The following SPAG9 variants were observed in gnomAD, a reference collection of about 807,000 sequenced individuals.
SPAG9 encodes the protein sperm associated antigen 9, also known as C-Jun-amino-terminal kinase-interacting protein 4.
In SPAG9, 35 loss-of-function variants were observed where a neutral mutation model predicts 166.5. The observed-to-expected ratio is 0.21, with a 90% CI of 0.16 to 0.28. The LOEUF (loss-of-function observed/expected upper bound fraction) is 0.28, where lower values mean the gene tolerates loss of function less well. Among genes scored for constraint, SPAG9 ranks in the 10% least tolerant of loss-of-function variants. SPAG9 has a pLI of 1.00. For synonymous variants in SPAG9, 534 were observed against 565.5 expected (o/e 0.94, Z 0.79); for missense variants, 1,235 against 1,603.3 (o/e 0.77, Z 3.92).
chr17:51,079,308 G>A (rs1301007144), intron 2 of SPAG9, among the ~76,000 whole-genome samples: 1 of 151,580 alleles, frequency 6.6e-6, no homozygotes, highest in Non-Finnish European at 1.5e-5. Flanking sequence ...GCACCATCTT[G>A]GCTCACTGCA....
At position 50,996,702 on chromosome 17, in the gene SPAG9, GA is replaced by G. The variant is rs2044697805; in HGVS notation, c.1839-9del. On this transcript the variant is annotated splice_polypyrimidine_tract_variant and intron_variant, in intron 15 of 29. Coordinates refer to ENST00000262013, the MANE Select transcript of SPAG9 (RefSeq NM_001130528.3). ...GCTAAACTAGCTTCAGTTCTAAAAG[GA>G]AAAAAGATTTTCCTAATTACATGAA... 2 of 1,610,430 alleles carry G rather than the reference GA, an allele frequency of 1.2e-6. No homozygotes were observed. The highest frequency in any genetic ancestry group is 1.3e-5 in the African/African-American group (1 of 74,548).
chr17:51,068,996 C>T (rs770065979), intron 2 of SPAG9, among the ~76,000 whole-genome samples: 28 of 152,050 alleles, frequency 1.8e-4, no homozygotes, highest in Admixed American at 3.9e-4. Context: ...TACTTTCCCA[C>T]TCATATGTAG....
intron 13 of SPAG9, among the ~76,000 whole-genome samples, chr17:51,001,164 AG>A: frequency 6.6e-6 from 1 of 152,350 alleles, no homozygotes; most frequent in South Asian, 2.1e-4. Flanking sequence ...TGGGTAAATT[AG>A]GGGGCAGCTC....
At chr17:51,020,063 CAT>C (rs2045879351) in intron 8 of SPAG9, 94 bp downstream of exon 8, 1 of 694,382 alleles carries the variant, frequency 1.4e-6, no homozygotes, top group African/African-American at 1.8e-5. Context: ...TTCAACAAAA[CAT>C]CTGAATCCAT....
At chr17:51,022,501 T>G (rs1173466985) in intron 6 of SPAG9, among the ~76,000 whole-genome samples, 1 of 152,122 alleles carries the variant, frequency 6.6e-6, no homozygotes, top group Non-Finnish European at 1.5e-5. Context: ...TTATCAGATA[T>G]TCAAAGGGGT....
chr17:50,976,871 T>A (rs1452933482), intron 27 of SPAG9: 1 of 375,060 alleles, frequency 2.7e-6, no homozygotes, highest in African/African-American at 2.1e-5. Context: ...GAAATAGGAC[T>A]GTGATTCCTG....
At chr17:51,107,062 A>G (rs947596935) in intron 1 of SPAG9, among the ~76,000 whole-genome samples, 2 of 151,678 alleles carry the variant, frequency 1.3e-5, no homozygotes, top group Admixed American at 6.6e-5. Context: ...AGATCCCGCC[A>G]CTGCACTCTA....
chr17:50,995,514 T>A lies in SPAG9; in HGVS notation c.1988A>T (p.Glu663Val). The change falls in exon 17 of 30, where the codon GAA becomes GTA. Residue 663 changes from glutamate to valine, a missense_variant. Around this residue, in one of 6 missense-constraint regions of SPAG9, gnomAD observed 493 missense variants for 559.4 expected, o/e 0.88. Transcript: ENST00000262013. The part of the protein sequence containing the change: ...KYKQVTNGQG[E>V]NKMKNLPVPV... ...CACAGGTAAATTTTTCATCTTATTT[T>A]CACCTTGACCATTGGTTACCTAATA... The A allele has an allele frequency of 6.2e-7, 1 of 1,610,134 alleles. No individual in the cohort carries two copies. The highest frequency in any genetic ancestry group is 8.5e-7 in the Non-Finnish European group (1 of 1,176,466).
At chr17:51,109,115 G>A in intron 1 of SPAG9, among the ~76,000 whole-genome samples, 1 of 151,810 alleles carries the variant, frequency 6.6e-6, no homozygotes, top group East Asian at 1.9e-4. Context: ...GCCCGCCTCA[G>A]ACTCCCCAAG....
chr17:51,058,050 A>T (rs2047407110), intron 2 of SPAG9, among the ~76,000 whole-genome samples: 1 of 152,188 alleles, frequency 6.6e-6, no homozygotes, highest in Admixed American at 6.5e-5. Flanking sequence ...TACTGGACAA[A>T]CCATATCTAT....
chr17:51,033,691 C>T (rs780295987), intron 5 of SPAG9, among the ~76,000 whole-genome samples: 1 of 152,138 alleles, frequency 6.6e-6, no homozygotes, highest in Non-Finnish European at 1.5e-5. Context: ...ATTATAAAGG[C>T]CTCTTTTAGA....
At chr17:51,092,181 T>C (rs1485631976) in intron 1 of SPAG9, among the ~76,000 whole-genome samples, 1 of 152,054 alleles carries the variant, frequency 6.6e-6, no homozygotes, top group Non-Finnish European at 1.5e-5. Flanking sequence ...AATGTAATTG[T>C]TTTTAAATGT....
At chr17:50,978,469 A>G (rs74440184) in intron 26 of SPAG9, among the ~76,000 whole-genome samples, 3,428 of 152,348 alleles carry the variant, frequency 0.023, 105 homozygotes, top group African/African-American at 0.067. Flanking sequence ...AATAATCATT[A>G]TAACACTAGG....
In SPAG9 at chr17:50,966,059, C is replaced by T. The variant is rs1184321358; in HGVS notation, c.*213G>A. 3.8e-6 allele frequency: 2 copies of T among 521,148 alleles called. No individual in the cohort carries two copies. The highest frequency in any genetic ancestry group is 3.8e-5 in the African/African-American group (2 of 52,150). The allele number at this position is 521,148 out of a possible 1,614,324, so 32.3% of individuals were successfully genotyped here. Reference sequence around the variant, plus strand: ...CATTCTTTGATTTGTTCATAATATACTGAAGTTACCTATAACACTGGTGCA... The same window carrying T: ...CATTCTTTGATTTGTTCATAATATATTGAAGTTACCTATAACACTGGTGCA... On this transcript the variant is annotated 3_prime_UTR_variant, in exon 30 of 30. Coordinates refer to ENST00000262013, the MANE Select transcript of SPAG9 (RefSeq NM_001130528.3).
intron 1 of SPAG9, among the ~76,000 whole-genome samples, chr17:51,099,299 G>A (rs1278483846): frequency 1.3e-5 from 2 of 151,242 alleles, no homozygotes; most frequent in Non-Finnish European, 2.9e-5. Flanking sequence ...CAGGCGTGGT[G>A]GCGCATTCCT....
intron 3 of SPAG9, 71 bp from the exon 4 acceptor site, chr17:51,047,540 A>G (rs903307455): frequency 1.5e-6 from 1 of 683,088 alleles, no homozygotes; most frequent in African/African-American, 1.9e-5. Context: ...GTGTTATAAC[A>G]AGGAAAACAT....
chr17:51,078,028 C>T (rs1162619868), intron 2 of SPAG9, among the ~76,000 whole-genome samples: 1 of 152,040 alleles, frequency 6.6e-6, no homozygotes, highest in East Asian at 1.9e-4. Context: ...CTCCAAGGCT[C>T]AAGCAATCCT....
chr17:50,970,867 C>T lies in SPAG9; in HGVS notation c.3701-11G>A, dbSNP rs148268354. On this transcript the variant is annotated splice_polypyrimidine_tract_variant and intron_variant, in intron 28 of 29. Transcript: ENST00000262013. ...GGCTGATGACTTGACCTGTTTTATA[C>T]AGAAACAAAAGTGAATATTACTTAT... 260 of 1,610,458 alleles carry T rather than the reference C, an allele frequency of 1.6e-4. 2 individuals carry two copies. In the East Asian group the frequency reaches 4.8e-3, roughly 30 times the overall value.
rs537070017 is a variant in SPAG9, at chr17:51,094,416, C to T, written c.304-14712G>A. Among the ~76,000 whole-genome samples the T allele has an allele frequency of 2.6e-5, 4 of 152,116 alleles. No individual in the cohort carries two copies. In the South Asian group the frequency reaches 8.3e-4, roughly 31 times the overall value. On this transcript the variant is annotated intron_variant, in intron 1 of 29. Coordinates refer to ENST00000262013, the MANE Select transcript of SPAG9 (RefSeq NM_001130528.3). ...CTCAGAGACCAAAGAAAAGTCATTG[C>T]TCCCATGGAACCAGAATAGTATGCT...
Sources: allele counts gnomAD v4.1 joint callset (sites outside exome capture counted in the v4.1 genomes callset), GRCh38; gene constraint gnomAD v4.1.1; regional missense constraint gnomAD v4.1.1; transcripts MANE v1.5; gene names NCBI Gene and HGNC (gene_info 2026-07-23, HGNC 2026-07-21).